GPM6A: variants seen among roughly 807,000 people sequenced by gnomAD.
The protein encoded by GPM6A is neuronal membrane glycoprotein M6-a.
Under a neutral mutation model 32.1 loss-of-function variants are expected in GPM6A, and 7 were observed. The ratio of observed to expected loss-of-function variants is 0.22; its 90% CI spans 0.12 to 0.41. The LOEUF is 0.41. GPM6A is among the 10% of genes least tolerant of loss of function. The pLI, the probability that GPM6A is intolerant of heterozygous loss-of-function variation, is 1.00. For missense variants in GPM6A, 235 were observed against 347.2 expected, an observed-to-expected ratio of 0.68 and a Z score of 2.57; for synonymous variants, 130 against 123.4, an observed-to-expected ratio of 1.05 and a Z score of -0.35.
At chr4:175,979,734 T>C (rs1348924138) in intron 1 of GPM6A, among the ~76,000 whole-genome samples, 1 of 152,216 alleles carries the variant, frequency 6.6e-6, no homozygotes, top group African/African-American at 2.4e-5. Context: ...ACTTAGGCTA[T>C]GATGCTGAAA....
At chr4:175,811,896 G>A (rs887254202) in intron 1 of GPM6A, 7 of 237,592 alleles carry the variant, frequency 2.9e-5, no homozygotes, top group Admixed American at 2.8e-4. Flanking sequence ...GTGAAATCAC[G>A]AAATAAATGA....
At chr4:175,895,437 A>G (rs999040561) in intron 1 of GPM6A, among the ~76,000 whole-genome samples, 5 of 152,196 alleles carry the variant, frequency 3.3e-5, no homozygotes, top group African/African-American at 4.8e-5. Flanking sequence ...CTTATTGCCA[A>G]TTGGAAAAAA....
chr4:175,726,937 G>A (rs75547289), intron 1 of GPM6A, among the ~76,000 whole-genome samples: 2 of 152,006 alleles, frequency 1.3e-5, no homozygotes, highest in Non-Finnish European at 2.9e-5. Flanking sequence ...TGGAGATTAC[G>A]GTAAGCCAAG....
chr4:175,954,923 G>A (rs1231367220), intron 1 of GPM6A, among the ~76,000 whole-genome samples: 1 of 152,222 alleles, frequency 6.6e-6, no homozygotes, highest in Admixed American at 6.5e-5. Flanking sequence ...AGGTACTACA[G>A]GCGCTGTGAG....
At chr4:175,790,143 C>A (rs1231432498) in intron 1 of GPM6A, among the ~76,000 whole-genome samples, 1 of 152,102 alleles carries the variant, frequency 6.6e-6, no homozygotes, top group African/African-American at 2.4e-5. Flanking sequence ...ACATTCAAGG[C>A]AATTCTTAGA....
intron 1 of GPM6A, among the ~76,000 whole-genome samples, chr4:175,804,737 T>G (rs1258386168): frequency 6.6e-6 from 1 of 152,140 alleles, no homozygotes; most frequent in Non-Finnish European, 1.5e-5. Flanking sequence ...AAAACTGATA[T>G]GGTATAGGCT....
chr4:175,782,803 C>T (rs563747929), intron 1 of GPM6A, among the ~76,000 whole-genome samples: 1 of 151,986 alleles, frequency 6.6e-6, no homozygotes, highest in East Asian at 1.9e-4. Context: ...AATAATTATT[C>T]TCATTTCTTT....
At chr4:175,782,152 T>C (rs1277292858) in intron 1 of GPM6A, among the ~76,000 whole-genome samples, 1 of 152,170 alleles carries the variant, frequency 6.6e-6, no homozygotes, top group East Asian at 1.9e-4. Flanking sequence ...TGCTAAACTC[T>C]AAAAAGTTTA....
intron 1 of GPM6A, among the ~76,000 whole-genome samples, chr4:175,705,135 G>A (rs1745105014): frequency 6.6e-6 from 1 of 152,158 alleles, no homozygotes; most frequent in Non-Finnish European, 1.5e-5. Flanking sequence ...AAATTCAACT[G>A]AGTAGTGGCT....
chr4:175,734,195 T>C (rs2111149988), intron 1 of GPM6A, among the ~76,000 whole-genome samples: 1 of 151,646 alleles, frequency 6.6e-6, no homozygotes. Flanking sequence ...CCAGTGCTGC[T>C]CTTCTTACTT....
chr4:175,658,275 C>G (rs567004781), intron 3 of GPM6A, among the ~76,000 whole-genome samples: 1 of 148,378 alleles, frequency 6.7e-6, no homozygotes, highest in East Asian at 2.0e-4. Context: ...AAAAGACATG[C>G]AGAAATTTTA....
At chr4:175,859,369 C>A (rs547395885) in intron 1 of GPM6A, among the ~76,000 whole-genome samples, 1 of 152,100 alleles carries the variant, frequency 6.6e-6, no homozygotes, top group African/African-American at 2.4e-5. Context: ...GAATCAATGG[C>A]GTGTCTGTGC....
At chr4:175,850,536 A>G (rs967225191) in intron 1 of GPM6A, among the ~76,000 whole-genome samples, 3 of 152,116 alleles carry the variant, frequency 2.0e-5, no homozygotes, top group Non-Finnish European at 4.4e-5. Flanking sequence ...CTAATACACC[A>G]TGTGGGAAGA....
intron 2 of GPM6A, among the ~76,000 whole-genome samples, chr4:175,698,436 T>A (rs1744692103): frequency 6.6e-6 from 1 of 152,178 alleles, no homozygotes; most frequent in African/African-American, 2.4e-5. Context: ...TCATTCAGCC[T>A]CCTCTGCCTT....
intron 1 of GPM6A, among the ~76,000 whole-genome samples, chr4:175,915,332 G>A (rs1738458065): frequency 6.6e-6 from 1 of 150,934 alleles, no homozygotes; most frequent in Admixed American, 6.6e-5. Flanking sequence ...TGTCACCCAG[G>A]CTGGAGTGCA....
chr4:175,669,304 C>T (rs1742922708), intron 3 of GPM6A, among the ~76,000 whole-genome samples: 1 of 152,082 alleles, frequency 6.6e-6, no homozygotes, highest in South Asian at 2.1e-4. Flanking sequence ...CTACAAACAC[C>T]TGAGGCTAAT....
At position 175,960,398 on chromosome 4, in the gene GPM6A, C is replaced by A. The variant is rs542936585; in HGVS notation, c.-23+41911G>T. The stretch of plus-strand genomic sequence containing the variant: ...AATCCCCTGATGAAGTAAATAAGAA[C>A]AAGATGGGCTAAATCTGTCCCATTT... On this transcript the variant is annotated intron_variant, in intron 1 of 7. Transcript: ENST00000280187. Among the ~76,000 whole-genome samples the A allele has an allele frequency of 3.2e-4, 48 of 152,210 alleles. 2 individuals carry two copies. Among genetic ancestry groups the A allele is most frequent in the African/African-American group, 1.0e-3 (43 of 41,534 alleles).
intron 2 of GPM6A, among the ~76,000 whole-genome samples, chr4:175,682,099 G>A (rs1265222871): frequency 6.6e-6 from 1 of 151,890 alleles, no homozygotes; most frequent in African/African-American, 2.4e-5. Flanking sequence ...ATGAAAATGA[G>A]AAACTTATAG....
intron 1 of GPM6A, among the ~76,000 whole-genome samples, chr4:175,716,203 C>G (rs1419026691): frequency 6.6e-6 from 1 of 152,166 alleles, no homozygotes; most frequent in African/African-American, 2.4e-5. Flanking sequence ...CCAACTAAGA[C>G]AGATCCAAAA....
Sources: allele counts gnomAD v4.1 joint callset (sites outside exome capture counted in the v4.1 genomes callset), GRCh38; gene constraint gnomAD v4.1.1; transcripts MANE v1.5; gene names NCBI Gene and HGNC (gene_info 2026-07-23, HGNC 2026-07-21).